The following SCARF1 variants were observed in gnomAD, a reference collection of about 807,000 sequenced individuals.
The protein encoded by SCARF1 is acetyl LDL receptor.
SCARF1 carries 49 observed loss-of-function variants against 76.3 expected under a neutral mutation model. The observed-to-expected ratio is 0.64, with a 90% CI of 0.51 to 0.81. SCARF1 has a LOEUF of 0.81. Among genes scored for constraint, SCARF1 ranks in the 40% least tolerant of loss-of-function variants. The probability of loss-of-function intolerance (pLI) is 0.00; values close to 1 mark genes in which losing one functional copy is unlikely to be tolerated. For missense variants in SCARF1, 1,098 were observed against 1,143.9 expected, an observed-to-expected ratio of 0.96 and a Z score of 0.58; for synonymous variants, 495 against 474.6, an observed-to-expected ratio of 1.04 and a Z score of -0.56.
chr17:1,642,237 GGTTA>G (rs1224699541), intron 4 of SCARF1, among the ~76,000 whole-genome samples: 4 of 151,576 alleles, frequency 2.6e-5, no homozygotes, highest in Admixed American at 1.3e-4. Context: ...ACATTGTGCA[GGTTA>G]GTTACATACG....
rs182877581 is a variant in SCARF1 at position 1,635,861 on chromosome 17, G to A, written c.1634-244C>T. 5.6e-3 allele frequency among the ~76,000 whole-genome samples: 842 copies of A among 150,818 alleles called. 11 individuals are homozygous for A. The highest frequency in any genetic ancestry group is 0.02 in the African/African-American group (805 of 41,070). On this transcript the variant is annotated intron_variant, in intron 10 of 10. Transcript: ENST00000263071. ...GGTATCAAACCCCTGGCCTCAAGCA[G>A]TCCTCCCGCCTCAGCCTCCCAAAGT... is the stretch of plus-strand genomic sequence containing the variant.
Position 1,643,557 on chromosome 17 carries a change from C to G in SCARF1, c.676G>C (p.Val226Leu). 1 of 1,456,966 alleles carries G rather than the reference C, an allele frequency of 6.9e-7. No homozygotes were observed. Among genetic ancestry groups the G allele is most frequent in the Admixed American group, 2.5e-5 (1 of 39,450 alleles). The allele number at this position is 1,456,966 out of a possible 1,614,324, so 90.3% of individuals were successfully genotyped here. The change falls in exon 4 of 11, where the codon GTG becomes CTG. Residue 226 changes from valine (V) to leucine (L), a missense_variant. Physicochemically the swap from Val to Leu is conservative, Grantham distance 32 (BLOSUM62 1). Transcript: ENST00000263071. ...GAGGCGGCGCTGCAGCGGCCCCGCA[C>G]ACACTCGCACTGCTGCTGGCATTCG... ...GPECQQQCECVRGRCSAASGE... is the reference protein window; with the variant it reads ...GPECQQQCECLRGRCSAASGE...
At position 1,645,242 on chromosome 17, in the gene SCARF1, G is replaced by A. The variant is rs766630588; in HGVS notation, c.102-3C>T. The A allele has an allele frequency of 4.3e-6, 7 of 1,612,972 alleles. No individual in the cohort carries two copies. The highest frequency in any genetic ancestry group is 5.1e-6 in the Non-Finnish European group (6 of 1,179,908). On this transcript the variant is annotated splice_region_variant and splice_polypyrimidine_tract_variant and intron_variant, in intron 1 of 10. Coordinates refer to ENST00000263071, the MANE Select transcript of SCARF1 (RefSeq NM_003693.4). This position sits in a 1 kb window ranked among gnomAD's most constrained non-coding sequence, Gnocchi z 6.3. ...AGCACTGCAGCTCAGCAGAGGGGCT[G>A]TGGGGCAAAAAGGGGTCAGCCGGAC...
chr17:1,645,684 A>AGCCC lies in SCARF1; in HGVS notation c.10_13dup (p.Leu5ArgfsTer35), dbSNP rs1489363913. On this transcript the variant is annotated frameshift_variant, in exon 1 of 11. Coordinates refer to ENST00000263071, the MANE Select transcript of SCARF1 (RefSeq NM_003693.4). LOFTEE classifies it high-confidence loss of function. This position sits in a 1 kb window ranked among gnomAD's most constrained non-coding sequence, Gnocchi z 6.3. ...CCAGAGCAGCAGCAGCGGGAGCAGC[A>AGCCC]GCCCCAGCCCCATGGCAGGCAGCTC... is the stretch of plus-strand genomic sequence containing the variant. 6.2e-7 allele frequency: 1 copy of AGCCC among 1,604,002 alleles called. No individual in the cohort carries two copies. The highest frequency in any genetic ancestry group is 1.3e-5 in the African/African-American group (1 of 74,688).
In SCARF1 at chr17:1,635,456, C is replaced by T. The variant is rs765334408; in HGVS notation, c.1795G>A (p.Ala599Thr). 6.2e-7 allele frequency: 1 copy of T among 1,614,084 alleles called. No homozygotes were observed. The highest frequency in any genetic ancestry group is 1.1e-5 in the South Asian group (1 of 91,088). The change falls in exon 11 of 11, where the codon GCA becomes ACA. Residue 599 changes from alanine (A) to threonine (T), a missense_variant. Coordinates refer to ENST00000263071, the MANE Select transcript of SCARF1 (RefSeq NM_003693.4). The stretch of plus-strand genomic sequence containing the variant: ...CCTGAGCTTCGGCGACTCTGTGGTG[C>T]AAACTTGGTACCTTCCGCGAAGGAG... ...SVSFAEGTKF[A>T]PQSRRSSGEL...
At chr17:1,641,325 G>T (rs767396712) in intron 4 of SCARF1, among the ~76,000 whole-genome samples, 13 of 152,184 alleles carry the variant, frequency 8.5e-5, no homozygotes, top group Non-Finnish European at 1.8e-4. Context: ...TCTTTACGAG[G>T]ATCTAATGCC....
chr17:1,635,061 C>A lies in SCARF1; in HGVS notation c.2190G>T (p.Lys730Asn). 1 of 1,614,010 alleles carries A rather than the reference C, an allele frequency of 6.2e-7. No individual in the cohort carries two copies. Among genetic ancestry groups the A allele is most frequent in the East Asian group, 2.2e-5 (1 of 44,884 alleles). ...TCCGATTCAGGGCCTGGCGCGGAGG[C>A]TTAGGGATGGCCCTCTTGACCTTGG... The part of the protein sequence containing the change: ...AEAKVKRAIP[K>N]PPRQALNRKK... The change falls in exon 11 of 11, where the codon AAG becomes AAT. Residue 730 changes from lysine (K) to asparagine (N), a missense_variant. Lys to Asn is a moderately conservative substitution (Grantham distance 94). Transcript: ENST00000263071.
At position 1,643,863 on chromosome 17, in the gene SCARF1, G is replaced by A; in HGVS notation, c.370C>T (p.Arg124Cys). 7.8e-7 allele frequency: 1 copy of A among 1,280,740 alleles called. No individual in the cohort carries two copies. Among genetic ancestry groups the A allele is most frequent in the Non-Finnish European group, 9.8e-7 (1 of 1,017,992 alleles). The allele number at this position is 1,280,740 out of a possible 1,614,324, so 79.3% of individuals were successfully genotyped here. Residue 124 changes from arginine (R) to cysteine (C), a missense_variant, in exon 4 of 11, where the codon CGC (arginine) becomes TGC (cysteine). Transcript: ENST00000263071. Reference protein sequence around the residue: ...ATGACQCQADRWGARCEFPCA... With the variant: ...ATGACQCQADCWGARCEFPCA... ...GGGAACTCGCAGCGGGCTCCCCAGC[G>A]GTCGGCCTGGCACTGGCACGCGCCC... is the stretch of plus-strand genomic sequence containing the variant.
Position 1,640,092 on chromosome 17 carries a change from C to T in SCARF1, c.1011-52G>A, listed in dbSNP as rs771233531. The T allele has an allele frequency of 4.4e-6, 7 of 1,594,534 alleles. No individual in the cohort carries two copies. The highest frequency in any genetic ancestry group is 3.4e-5 in the Admixed American group (2 of 58,410). On this transcript the variant is annotated intron_variant, in intron 5 of 10. Transcript: ENST00000263071. The surrounding 1 kb of genome is among the most constrained non-coding windows in gnomAD (Gnocchi z 4.7). ...GGGAGACCAAGGCAGGCCTGGCCCCCACTGTGGGGCCCCACCCCTCCGCCC... is the reference window on the plus strand; with the variant it reads ...GGGAGACCAAGGCAGGCCTGGCCCCTACTGTGGGGCCCCACCCCTCCGCCC...
rs776657930 is a variant in SCARF1 at position 1,635,521 on chromosome 17, G to A, written c.1730C>T (p.Pro577Leu). Residue 577 changes from proline (P) to leucine (L), a missense_variant, in exon 11 of 11, where the codon CCG becomes CTG. Pro to Leu is a moderately conservative substitution (Grantham distance 98). Coordinates refer to ENST00000263071, the MANE Select transcript of SCARF1 (RefSeq NM_003693.4). Reference sequence around the variant, plus strand: ...GGCCCGAGCTAGGCTGGAGGTGCGCGGGATGGCGAATGGCGTGGAGGCGTC... The same window carrying A: ...GGCCCGAGCTAGGCTGGAGGTGCGCAGGATGGCGAATGGCGTGGAGGCGTC... ...PEDASTPFAI[P>L]RTSSLARAKR... 6 of 1,613,750 alleles carry A rather than the reference G, an allele frequency of 3.7e-6. No homozygotes were observed. Among genetic ancestry groups the A allele is most frequent in the Non-Finnish European group, 5.1e-6 (6 of 1,179,986 alleles).
At position 1,635,269 on chromosome 17, in the gene SCARF1, C is replaced by T. The variant is rs776212525; in HGVS notation, c.1982G>A (p.Arg661Gln). 20 of 1,611,694 alleles carry T rather than the reference C, an allele frequency of 1.2e-5. No individual in the cohort carries two copies. The highest frequency in any genetic ancestry group is 1.6e-4 in the Middle Eastern group (1 of 6,078). The change falls in exon 11 of 11, where the codon CGG (arginine) becomes CAG (glutamine). Residue 661 changes from arginine to glutamine, a missense_variant. By Grantham distance (43) the Arg-to-Gln change is conservative. Coordinates refer to ENST00000263071, the MANE Select transcript of SCARF1 (RefSeq NM_003693.4). Reference sequence around the variant, plus strand: ...TGTCCGGCCACCAAGTGGGGGCCGCCGGTGGCCAGTGGCTGAATCCCCGGG... The same window carrying T: ...TGTCCGGCCACCAAGTGGGGGCCGCTGGTGGCCAGTGGCTGAATCCCCGGG... ...ASPGDSATGH[R>Q]RPPLGGRTVA...
At chr17:1,638,457 C>A (rs1288281373) in intron 8 of SCARF1, 2 of 176,748 alleles carry the variant, frequency 1.1e-5, no homozygotes, top group South Asian at 3.8e-4. Flanking sequence ...TTCTGCCTCC[C>A]GCTGCAGGCT....
rs755330805 is a variant in SCARF1 at position 1,645,249 on chromosome 17, A to C, written c.102-10T>G. The C allele has an allele frequency of 2.5e-6, 4 of 1,612,588 alleles. No homozygotes were observed. In the East Asian group the frequency reaches 6.7e-5, roughly 27 times the overall value. ...CAGCTCAGCAGAGGGGCTGTGGGGC[A>C]AAAAGGGGTCAGCCGGACATGGTGG... On this transcript the variant is annotated splice_polypyrimidine_tract_variant and intron_variant, in intron 1 of 10. Transcript: ENST00000263071. This position sits in a 1 kb window ranked among gnomAD's most constrained non-coding sequence, Gnocchi z 6.3.
In SCARF1 at chr17:1,645,618, T is replaced by C. The variant is rs1283555011; in HGVS notation, c.80A>G (p.Gln27Arg). The C allele has an allele frequency of 1.9e-6, 3 of 1,607,508 alleles. No homozygotes were observed. The highest frequency in any genetic ancestry group is 2.5e-6 in the Non-Finnish European group (3 of 1,179,172). ...CCACCTGCTGGCCACACAGACGTGCTGCCCTTTGGGGTCCAGCTCGGACCC... is the reference window on the plus strand; with the variant it reads ...CCACCTGCTGGCCACACAGACGTGCCGCCCTTTGGGGTCCAGCTCGGACCC... Reference protein sequence around the residue: ...TQGSELDPKGQHVCVASSPSA... With the variant: ...TQGSELDPKGRHVCVASSPSA... The change falls in exon 1 of 11, where the codon CAG (glutamine) becomes CGG (arginine). Residue 27 changes from glutamine to arginine, a missense_variant. Physicochemically the swap from Gln to Arg is conservative, Grantham distance 43. Transcript: ENST00000263071. The surrounding 1 kb of genome is among the most constrained non-coding windows in gnomAD (Gnocchi z 6.3).
intron 8 of SCARF1, 143 bp downstream of exon 8, chr17:1,638,663 A>C: frequency 5.6e-6 from 6 of 1,080,614 alleles, no homozygotes; most frequent in East Asian, 3.2e-5. Context: ...CGGGGGCGAC[A>C]AGGCCAGCCC....
Position 1,640,585 on chromosome 17 carries a change from G to A in SCARF1, c.873C>T (p.Thr291=). Residue 291 remains threonine (T), a synonymous_variant, in exon 5 of 11, where the codon ACC becomes ACT. Transcript: ENST00000263071. This position sits in a 1 kb window ranked among gnomAD's most constrained non-coding sequence, Gnocchi z 4.7. ...CESCEPGWNG[T]QCQQPCLPGT... ...CAGGCAGGCAGGGCTGCTGGCACTG[G>A]GTCCCGTTCCAGCCCGGCTCGCAGG... 1 of 1,612,046 alleles carries A rather than the reference G, an allele frequency of 6.2e-7. No homozygotes were observed. Among genetic ancestry groups the A allele is most frequent in the Non-Finnish European group, 8.5e-7 (1 of 1,179,566 alleles).
At chr17:1,641,653 G>C (rs78274576) in intron 4 of SCARF1, among the ~76,000 whole-genome samples, 8,860 of 152,236 alleles carry the variant, frequency 0.058, 528 homozygotes, top group African/African-American at 0.15. Context: ...CCATTAGTAG[G>C]GGAGAAGAAG....
rs747547659 is a variant in SCARF1, at chr17:1,644,810, C to T, written c.265+24G>A. 39 of 1,604,150 alleles carry T rather than the reference C, an allele frequency of 2.4e-5. No individual in the cohort carries two copies. Among genetic ancestry groups the T allele is most frequent in the Middle Eastern group, 3.3e-4 (2 of 6,070 alleles). ...CCCCGTACCCAGCTCTGCCCAGCAA[C>T]TTCATCTGGCCCTTGAGACTCACGG... On this transcript the variant is annotated intron_variant, in intron 3 of 10. Transcript: ENST00000263071. This position sits in a 1 kb window ranked among gnomAD's most constrained non-coding sequence, Gnocchi z 4.8.
rs540979113 is a variant in SCARF1 at position 1,638,787 on chromosome 17, G to A, written c.1364+19C>T. The A allele has an allele frequency of 1.0e-5, 16 of 1,594,528 alleles. No homozygotes were observed. In the African/African-American group the frequency reaches 2.0e-4, roughly 20 times the overall value. ...CCTGTGGCCTGAGCTGTGTGGGGAA[G>A]GGACGGGCTGGCGTTCACCTGTCCT... is the stretch of plus-strand genomic sequence containing the variant. On this transcript the variant is annotated intron_variant, in intron 8 of 10. Coordinates refer to ENST00000263071, the MANE Select transcript of SCARF1 (RefSeq NM_003693.4).
Sources: allele counts gnomAD v4.1 joint callset (sites outside exome capture counted in the v4.1 genomes callset), GRCh38; gene constraint gnomAD v4.1.1; non-coding constraint Gnocchi (gnomAD v3.1); transcripts MANE v1.5; gene names NCBI Gene and HGNC (gene_info 2026-07-23, HGNC 2026-07-21).